Variants in ARHGEF28 observed in about 807,000 individuals in gnomAD.
ARHGEF28 encodes the protein Rho guanine nucleotide exchange factor 28, also known as 190 kDa guanine nucleotide exchange factor.
A neutral mutation model predicts 206.6 loss-of-function variants in ARHGEF28; 152 were observed. That is an observed-to-expected ratio of 0.74 (90% CI 0.64 to 0.84). ARHGEF28 has a LOEUF of 0.84. Among genes scored for constraint, ARHGEF28 ranks in the 40% least tolerant of loss-of-function variants. The pLI is 0.00. For missense variants in ARHGEF28, 2,028 were observed against 2,073.2 expected (o/e 0.98, Z 0.42); for synonymous variants, 763 against 776.4 (o/e 0.98, Z 0.29).
Position 73,909,944 on chromosome 5 carries a change from G to T in ARHGEF28, c.4647+47G>T, listed in dbSNP as rs181043294. The T allele has an allele frequency of 2.0e-5, 29 of 1,472,664 alleles. No homozygotes were observed. The African/African-American group carries it at 4.1e-4, about 21-fold the overall frequency. The allele number at this position is 1,472,664 out of a possible 1,614,324, so 91.2% of individuals were successfully genotyped here. On this transcript the variant is annotated intron_variant, in intron 34 of 35. Coordinates refer to ENST00000513042, the MANE Select transcript of ARHGEF28 (RefSeq NM_001177693.2). ...GTGAGGCAGCCTCTCAAAGACAGGG[G>T]TGGGCCTGGGGGCTCCTAGGACACT...
chr5:73,873,247 G>T lies in ARHGEF28; in HGVS notation c.2814+1G>T. 6.2e-7 allele frequency: 1 copy of T among 1,607,276 alleles called. No homozygotes were observed. The highest frequency in any genetic ancestry group is 8.5e-7 in the Non-Finnish European group (1 of 1,175,650). On this transcript the variant is annotated splice_donor_variant, in intron 22 of 35. Transcript: ENST00000513042. LOFTEE classifies it high-confidence loss of function. ...AATTGGAGATATTTTGGTACAACAGGTAAGAAGAGCTTAAAGTCCTTGACC... is the reference window on the plus strand; with the variant it reads ...AATTGGAGATATTTTGGTACAACAGTTAAGAAGAGCTTAAAGTCCTTGACC...
chr5:73,630,259 C>T (rs1194930595), intron 1 of ARHGEF28, among the ~76,000 whole-genome samples: 1 of 152,146 alleles, frequency 6.6e-6, no homozygotes, highest in Non-Finnish European at 1.5e-5. Flanking sequence ...AAGACTTACT[C>T]CTTTTCTTCC....
chr5:73,662,770 G>C (rs983139495), intron 1 of ARHGEF28, among the ~76,000 whole-genome samples: 1 of 151,898 alleles, frequency 6.6e-6, no homozygotes, highest in Admixed American at 6.6e-5. Context: ...CTTTCCTAGG[G>C]GATTACACTA....
In ARHGEF28 at chr5:73,828,244, T is replaced by C. The variant is rs139825155; in HGVS notation, c.1025-4094T>C. Among the ~76,000 whole-genome samples the C allele has an allele frequency of 8.8e-3, 1,339 of 152,320 alleles. 6 individuals are homozygous for C. The highest frequency in any genetic ancestry group is 0.014 in the Non-Finnish European group (973 of 68,030). ...TAAGCCCATTATTTGCAGTGGCTAG[T>C]GTTGAAGTTAATAAAGGAGTGGTGG... is the stretch of plus-strand genomic sequence containing the variant. On this transcript the variant is annotated intron_variant, in intron 9 of 35. Transcript: ENST00000513042.
chr5:73,775,269 T>C (rs1753478903), intron 5 of ARHGEF28, among the ~76,000 whole-genome samples: 1 of 152,238 alleles, frequency 6.6e-6, no homozygotes, highest in African/African-American at 2.4e-5. Context: ...TTTAAATGTT[T>C]CCAGGTCTAA....
intron 1 of ARHGEF28, among the ~76,000 whole-genome samples, chr5:73,646,241 A>G (rs1461017494): frequency 2.6e-5 from 4 of 152,208 alleles, no homozygotes; most frequent in African/African-American, 9.7e-5. Context: ...TATTGCTGCA[A>G]CGCAGACCCT....
intron 1 of ARHGEF28, among the ~76,000 whole-genome samples, chr5:73,669,886 C>T (rs1017316302): frequency 1.3e-5 from 2 of 152,168 alleles, no homozygotes; most frequent in African/African-American, 4.8e-5. Flanking sequence ...AGGGTTTTGC[C>T]ATGTTGGCCA....
chr5:73,801,683 A>G (rs1461207116), intron 9 of ARHGEF28, among the ~76,000 whole-genome samples: 1 of 151,754 alleles, frequency 6.6e-6, no homozygotes, highest in Non-Finnish European at 1.5e-5. Context: ...CTCTCTCTAC[A>G]CCCCAGGCTA....
At chr5:73,671,265 T>C (rs1746285549) in intron 1 of ARHGEF28, among the ~76,000 whole-genome samples, 1 of 152,148 alleles carries the variant, frequency 6.6e-6, no homozygotes, top group African/African-American at 2.4e-5. Context: ...AAGAGCAAGT[T>C]TCTCAGCCAG....
rs1430673031 is a variant in ARHGEF28 at position 73,939,282 on chromosome 5, C to T, written c.4949-1562C>T. On this transcript the variant is annotated intron_variant, in intron 35 of 35. Coordinates refer to ENST00000513042, the MANE Select transcript of ARHGEF28 (RefSeq NM_001177693.2). ...GACGAATGTAAAAGACCTGGGACAA[C>T]TCCTGTGCTCTGTAAATGGTGGCAG... Among the ~76,000 whole-genome samples the T allele has an allele frequency of 2.0e-5, 3 of 152,304 alleles. No homozygotes were observed. The East Asian group carries it at 5.8e-4, about 29-fold the overall frequency.
intron 6 of ARHGEF28, among the ~76,000 whole-genome samples, chr5:73,779,086 C>T (rs1753691181): frequency 6.6e-6 from 1 of 152,196 alleles, no homozygotes; most frequent in Non-Finnish European, 1.5e-5. Context: ...AAGAGCTCTC[C>T]AGGTGAACCC....
chr5:73,909,876 G>T lies in ARHGEF28; in HGVS notation c.4626G>T (p.Val1542=). 1 of 1,518,436 alleles carries T rather than the reference G, an allele frequency of 6.6e-7. No homozygotes were observed. Among genetic ancestry groups the T allele is most frequent in the Non-Finnish European group, 8.7e-7 (1 of 1,146,808 alleles). 94.1% of individuals were successfully genotyped at this position (1,518,436 alleles called of 1,614,324 possible). Residue 1542 remains valine, a synonymous_variant, in exon 34 of 36, where the codon GTG becomes GTT. Transcript: ENST00000513042. The part of the protein sequence containing the change: ...KHGRQRSLPA[V]LLPGGPEVME... ...GCCGGCAGAGGAGCCTGCCCGCGGT[G>T]CTCCTTCCGGGTGGCCCCGAGGTAT...
At chr5:73,693,253 G>A (rs974474634) in intron 2 of ARHGEF28, among the ~76,000 whole-genome samples, 7 of 152,118 alleles carry the variant, frequency 4.6e-5, no homozygotes, top group African/African-American at 1.4e-4. Context: ...CATTGACCAA[G>A]TACTCAAAGG....
chr5:73,806,209 AC>A (rs1291756652), intron 9 of ARHGEF28, among the ~76,000 whole-genome samples: 4 of 146,206 alleles, frequency 2.7e-5, no homozygotes, highest in Non-Finnish European at 6.0e-5. Flanking sequence ...ATCGATATGT[AC>A]TATATATCGA....
At chr5:73,631,815 T>C (rs1293052897) in intron 1 of ARHGEF28, among the ~76,000 whole-genome samples, 1 of 151,552 alleles carries the variant, frequency 6.6e-6, no homozygotes, top group Non-Finnish European at 1.5e-5. Context: ...GGGCCCCTTT[T>C]CCTCCCTTGC....
intron 2 of ARHGEF28, among the ~76,000 whole-genome samples, chr5:73,696,983 G>A (rs1263360342): frequency 6.6e-6 from 1 of 152,224 alleles, no homozygotes; most frequent in African/African-American, 2.4e-5. Flanking sequence ...GGTCCAGCAG[G>A]AAGGTGCTGT....
At chr5:73,678,072 C>T (rs1746814825) in intron 1 of ARHGEF28, among the ~76,000 whole-genome samples, 3 of 152,162 alleles carry the variant, frequency 2.0e-5, no homozygotes, top group South Asian at 2.1e-4. Flanking sequence ...TGTGGCTCTG[C>T]AAGTGAGCAT....
At chr5:73,761,460 T>TGAG (rs1752596753) in intron 4 of ARHGEF28, among the ~76,000 whole-genome samples, 1 of 151,540 alleles carries the variant, frequency 6.6e-6, no homozygotes, top group African/African-American at 2.4e-5. Flanking sequence ...GGGAGGAGAG[T>TGAG]GAGGCAGGGA....
intron 2 of ARHGEF28, among the ~76,000 whole-genome samples, chr5:73,726,608 T>A (rs1340049486): frequency 1.3e-5 from 2 of 152,232 alleles, no homozygotes; most frequent in African/African-American, 4.8e-5. Flanking sequence ...CAGTGTAAGT[T>A]GCTAGGAATA....
Sources: gnomAD v4.1 joint callset for allele counts (sites outside exome capture counted in the v4.1 genomes callset) on GRCh38, gnomAD v4.1.1 for gene constraint, MANE v1.5 for transcripts, NCBI Gene and HGNC (gene_info 2026-07-23, HGNC 2026-07-21) for gene names.